DMD: variants seen among roughly 807,000 people sequenced by gnomAD.
DMD encodes the protein dystrophin.
In DMD, 63 loss-of-function variants were observed where a neutral mutation model predicts 330.1. The ratio of observed to expected loss-of-function variants is 0.19; its 90% CI spans 0.16 to 0.24. DMD has a LOEUF of 0.24. DMD is among the 10% of genes least tolerant of loss of function. The pLI is 1.00. For missense variants in DMD, 3,344 were observed against 2,684.1 expected, an observed-to-expected ratio of 1.25 and a Z score of -5.43; for synonymous variants, 1,223 against 959.8, an observed-to-expected ratio of 1.27 and a Z score of -5.07.
intron 59 of DMD, among the ~76,000 whole-genome samples, chrX:31,451,528 C>T (rs1239213038): frequency 9.1e-6 from 1 of 110,033 alleles, no homozygotes; most frequent in Non-Finnish European, 1.9e-5. Flanking sequence ...GTGATCCACC[C>T]ACGTAGGCCT....
intron 44 of DMD, among the ~76,000 whole-genome samples, chrX:32,177,187 A>C (rs1215087306): frequency 8.9e-6 from 1 of 112,001 alleles, no homozygotes; most frequent in African/African-American, 3.2e-5. Context: ...GATTACAATA[A>C]TAACCTCTTT....
intron 42 of DMD, among the ~76,000 whole-genome samples, chrX:32,300,001 T>A (rs2097515665): frequency 8.9e-6 from 1 of 111,801 alleles, no homozygotes; most frequent in Admixed American, 9.5e-5. Flanking sequence ...TCTTTATTAC[T>A]CTCTAACTTG....
chrX:32,469,499 T>C (rs1782728932), intron 22 of DMD, among the ~76,000 whole-genome samples: 1 of 111,249 alleles, frequency 9.0e-6, no homozygotes, highest in African/African-American at 3.2e-5. Flanking sequence ...TAATGTGACC[T>C]ATATCAACCC....
intron 9 of DMD, among the ~76,000 whole-genome samples, chrX:32,696,741 G>C (rs1168210483): frequency 9.0e-6 from 1 of 110,950 alleles, no homozygotes; most frequent in East Asian, 2.9e-4. Flanking sequence ...ATCTTAGGAG[G>C]TGGCACTTAT....
intron 45 of DMD, among the ~76,000 whole-genome samples, chrX:31,957,220 T>C (rs1389762497): frequency 4.5e-5 from 5 of 111,798 alleles, no homozygotes; most frequent in African/African-American, 1.6e-4. Flanking sequence ...TTTCTATCCC[T>C]TTGTTTAGGA....
At chrX:32,354,092 T>A (rs2097790635) in intron 37 of DMD, among the ~76,000 whole-genome samples, 1 of 111,481 alleles carries the variant, frequency 9.0e-6, no homozygotes, top group Non-Finnish European at 1.9e-5. Context: ...TGGTTAAATA[T>A]TACTTTGGCA....
intron 20 of DMD, among the ~76,000 whole-genome samples, chrX:32,485,997 T>C (rs997756489): frequency 9.1e-6 from 1 of 110,089 alleles, no homozygotes; most frequent in Non-Finnish European, 1.9e-5. Context: ...CACCTTGGCC[T>C]CCCAAAGTGC....
chrX:33,304,234 C>T (rs1163458278), intron 1 of DMD, among the ~76,000 whole-genome samples: 2 of 110,827 alleles, frequency 1.8e-5, no homozygotes, highest in African/African-American at 6.6e-5. Flanking sequence ...ATCAATGGAA[C>T]AGAACAGAGC....
chrX:32,729,775 T>G (rs914525557), intron 7 of DMD, among the ~76,000 whole-genome samples: 16 of 112,153 alleles, frequency 1.4e-4, no homozygotes, highest in Middle Eastern at 4.7e-3. Flanking sequence ...TAAATATGTG[T>G]GTTATTCTTT....
At chrX:32,347,268 A>G (rs1006874685) in intron 38 of DMD, among the ~76,000 whole-genome samples, 7 of 111,660 alleles carry the variant, frequency 6.3e-5, no homozygotes, top group Non-Finnish European at 1.3e-4. Flanking sequence ...AGTCTGTAGC[A>G]TTTTCTAGGG....
At chrX:32,930,639 C>A (rs1209034018) in intron 2 of DMD, among the ~76,000 whole-genome samples, 1 of 110,541 alleles carries the variant, frequency 9.0e-6, no homozygotes, top group Non-Finnish European at 1.9e-5. Context: ...TTCCCAGATA[C>A]TATGAAATTA....
Position 32,492,422 on chromosome X carries a change from T to C in DMD, c.2381-904A>G, listed in dbSNP as rs1456111647. ...TGAAACATTTTTAAATTTATAAATG[T>C]AGAAGTTGATCTCAAAGTTTTAAAA... On this transcript the variant is annotated intron_variant, in intron 19 of 78. Transcript: ENST00000357033. 3.6e-5 allele frequency among the ~76,000 whole-genome samples: 4 copies of C among 112,489 alleles called. No homozygotes were observed. The Admixed American group carries it at 3.8e-4, about 11-fold the overall frequency.
rs764790961 is a variant in DMD at position 31,312,123 on chromosome X, A to C, written c.9224+11475T>G. 5.3e-5 allele frequency among the ~76,000 whole-genome samples: 6 copies of C among 112,466 alleles called. No individual in the cohort carries two copies. The East Asian group carries it at 1.7e-3, about 31-fold the overall frequency. ...TGAGAAATGGAATCTAATTAAACTAAAGAGCTTCTGCACAGCAAAAGAAAC... is the reference window on the plus strand; with the variant it reads ...TGAGAAATGGAATCTAATTAAACTACAGAGCTTCTGCACAGCAAAAGAAAC... On this transcript the variant is annotated intron_variant, in intron 62 of 78. Transcript: ENST00000357033.
In DMD at chrX:31,485,187, T is replaced by TTTTA. The variant is rs759598829; in HGVS notation, c.8548-6088_8548-6085dup. Reference sequence around the variant, plus strand: ...GAACCAAGTTATTGATTATTATTATTTTTATTTATTTATTTATTTATTTTT... The same window carrying TTTTA: ...GAACCAAGTTATTGATTATTATTATTTTTATTTATTTATTTATTTATTTATTTTT... On this transcript the variant is annotated intron_variant, in intron 57 of 78. Transcript: ENST00000357033. Among the ~76,000 whole-genome samples, 69 of 111,955 alleles carry TTTTA rather than the reference T, an allele frequency of 6.2e-4. 1 individual carries two copies. The highest frequency in any genetic ancestry group is 1.7e-3 in the African/African-American group (52 of 30,938).
At chrX:32,048,944 C>A (rs1166051828) in intron 44 of DMD, among the ~76,000 whole-genome samples, 1 of 111,324 alleles carries the variant, frequency 9.0e-6, no homozygotes, top group Non-Finnish European at 1.9e-5. Context: ...GAAGAAGTAC[C>A]TATGCTGGAT....
chrX:32,229,680 TCA>T (rs1491569723), intron 43 of DMD, among the ~76,000 whole-genome samples: 1 of 26,941 alleles, frequency 3.7e-5, no homozygotes, highest in Non-Finnish European at 6.7e-5. Flanking sequence ...AAGAGTTTCA[TCA>T]TATATATATA....
chrX:32,700,280 A>T (rs1315914007), intron 7 of DMD, among the ~76,000 whole-genome samples: 2 of 111,225 alleles, frequency 1.8e-5, no homozygotes, highest in Non-Finnish European at 3.8e-5. Flanking sequence ...AGCATGTGTA[A>T]ATCTGGAGGA....
intron 1 of DMD, among the ~76,000 whole-genome samples, chrX:33,268,653 G>A (rs1024303334): frequency 1.8e-5 from 2 of 111,978 alleles, no homozygotes; most frequent in African/African-American, 6.5e-5. Flanking sequence ...AAGGCTGAGT[G>A]CAGTGGCTTG....
In DMD at chrX:32,484,949, C is replaced by T; in HGVS notation, c.2773G>A (p.Val925Met). Residue 925 changes from valine (V) to methionine (M), a missense_variant, in exon 21 of 79, where the codon GTG (valine) becomes ATG (methionine). Val to Met is a conservative substitution (Grantham distance 21, BLOSUM62 1). Transcript: ENST00000357033. ...TGTAGCTCTTTCTCTCTGGCCTGCA[C>T]ATCAGAAAAGACTTGCTTAAAATGA... ...TNHFKQVFSD[V>M]QAREKELQTI... is the part of the protein sequence containing the mutation. The T allele has an allele frequency of 8.3e-7, 1 of 1,211,479 alleles. No individual in the cohort carries two copies. Among genetic ancestry groups the T allele is most frequent in the South Asian group, 1.8e-5 (1 of 56,975 alleles).
Sources: allele counts gnomAD v4.1 joint callset (sites outside exome capture counted in the v4.1 genomes callset), GRCh38; gene constraint gnomAD v4.1.1; transcripts MANE v1.5; gene names NCBI Gene and HGNC (gene_info 2026-07-23, HGNC 2026-07-21).